The following NKAIN3 variants were observed in gnomAD, a reference collection of about 807,000 sequenced individuals.
The protein encoded by NKAIN3 is sodium/potassium-transporting ATPase subunit beta-1-interacting protein 3.
A neutral mutation model predicts 30.2 loss-of-function variants in NKAIN3; 25 were observed. That is an observed-to-expected ratio of 0.83 (90% CI 0.60 to 1.16). The LOEUF (loss-of-function observed/expected upper bound fraction) is 1.16. Ranked by LOEUF, NKAIN3 falls within the 50% of genes most tolerant of loss-of-function variation. NKAIN3 has a pLI of 0.00. For synonymous variants in NKAIN3, 91 were observed against 89.6 expected (o/e 1.02, Z -0.09); for missense variants, 225 against 254.1 (o/e 0.89, Z 0.78).
At chr8:62,870,665 A>C (rs900859164) in intron 4 of NKAIN3, among the ~76,000 whole-genome samples, 1 of 136,660 alleles carries the variant, frequency 7.3e-6, no homozygotes, top group African/African-American at 3.0e-5. Flanking sequence ...CTAGATATAT[A>C]TAGATATCTA....
chr8:62,995,146 A>G (rs1804079027), intron 5 of NKAIN3, among the ~76,000 whole-genome samples: 1 of 152,238 alleles, frequency 6.6e-6, no homozygotes. Context: ...AGCTCTACAG[A>G]TGCTTAATGC....
At chr8:62,298,510 C>G (rs1813921657) in intron 1 of NKAIN3, among the ~76,000 whole-genome samples, 1 of 152,080 alleles carries the variant, frequency 6.6e-6, no homozygotes, top group African/African-American at 2.4e-5. Context: ...CTCTTCTGAT[C>G]TCCACTTCCC....
At chr8:62,612,555 A>G (rs761134354) in intron 3 of NKAIN3, among the ~76,000 whole-genome samples, 2 of 149,696 alleles carry the variant, frequency 1.3e-5, no homozygotes, top group African/African-American at 2.5e-5. Context: ...TTTTTAATCC[A>G]GTAAGTCAGT....
At chr8:62,712,016 C>A (rs1382645649) in intron 3 of NKAIN3, among the ~76,000 whole-genome samples, 2 of 152,124 alleles carry the variant, frequency 1.3e-5, no homozygotes, top group African/African-American at 4.8e-5. Flanking sequence ...CTCTTCTGGG[C>A]CTAGCTACCC....
intron 1 of NKAIN3, among the ~76,000 whole-genome samples, chr8:62,533,331 G>A (rs1347144977): frequency 6.6e-6 from 1 of 152,192 alleles, no homozygotes. Flanking sequence ...CTTCTGGGGG[G>A]ATAATCTTAT....
intron 4 of NKAIN3, among the ~76,000 whole-genome samples, chr8:62,903,934 T>A (rs533980868): frequency 4.1e-4 from 63 of 152,282 alleles, no homozygotes; most frequent in Non-Finnish European, 7.3e-4. Context: ...CATGATTCAA[T>A]TATCTCTACC....
intron 3 of NKAIN3, among the ~76,000 whole-genome samples, chr8:62,735,935 G>A (rs1348687701): frequency 2.0e-5 from 3 of 152,156 alleles, no homozygotes; most frequent in African/African-American, 7.2e-5. Context: ...TCCCAGCAGA[G>A]CCTCCTGGGC....
At chr8:62,605,517 G>T (rs188964254) in intron 3 of NKAIN3, among the ~76,000 whole-genome samples, 15 of 151,904 alleles carry the variant, frequency 9.9e-5, no homozygotes, top group Admixed American at 8.5e-4. Context: ...CCCCCATAAA[G>T]TATTTAGTAT....
At chr8:62,692,749 T>C (rs1279703546) in intron 3 of NKAIN3, among the ~76,000 whole-genome samples, 1 of 152,240 alleles carries the variant, frequency 6.6e-6, no homozygotes, top group East Asian at 1.9e-4. Context: ...ATTCTCTGCT[T>C]AGCCTTTTGT....
At chr8:62,965,246 A>C in intron 6 of NKAIN3, 108 bp from the exon 7 acceptor site, 11 of 914,178 alleles carry the variant, frequency 1.2e-5, no homozygotes, top group Non-Finnish European at 1.4e-5. Context: ...AGACAGCACC[A>C]GGTGCACCCA....
chr8:62,691,753 G>C (rs1334098946), intron 3 of NKAIN3, among the ~76,000 whole-genome samples: 1 of 152,154 alleles, frequency 6.6e-6, no homozygotes. Flanking sequence ...TATCAAGGCA[G>C]GTTTCATGGA....
Position 62,977,969 on chromosome 8 carries a change from C to A in NKAIN3, c.*12562C>A. On this transcript the variant is annotated 3_prime_UTR_variant, in exon 7 of 7. Transcript: ENST00000623646. ...TTAATTTTCTTTCTAACAGTCAGGC[C>A]CTTCTTCTGCTGGTCTGCTGGAGTT... 6.6e-6 allele frequency: 1 copy of A among 152,492 alleles called. No individual in the cohort carries two copies. Among genetic ancestry groups the A allele is most frequent in the East Asian group, 1.9e-4 (1 of 5,182 alleles). The allele number at this position is 152,492 out of a possible 1,614,324, so 9.4% of individuals were successfully genotyped here.
chr8:62,855,921 G>A, intron 4 of NKAIN3: 1 of 755,596 alleles, frequency 1.3e-6, no homozygotes. Flanking sequence ...GTATCTGCGT[G>A]ATGCTACAAC....
At chr8:62,292,752 CTG>C (rs1029209937) in intron 1 of NKAIN3, among the ~76,000 whole-genome samples, 6 of 152,150 alleles carry the variant, frequency 3.9e-5, no homozygotes, top group Admixed American at 3.3e-4. Flanking sequence ...GTGGTGTTCT[CTG>C]TATTTCCTGA....
At chr8:62,399,682 T>G (rs1359167714) in intron 1 of NKAIN3, among the ~76,000 whole-genome samples, 2 of 152,220 alleles carry the variant, frequency 1.3e-5, no homozygotes, top group Non-Finnish European at 2.9e-5. Context: ...GACCAGAATG[T>G]ATGAATCTCA....
In NKAIN3 at chr8:62,833,067, T is replaced by G. The variant is rs189641612; in HGVS notation, c.472-85386T>G. Among the ~76,000 whole-genome samples the G allele has an allele frequency of 1.6e-3, 241 of 152,130 alleles. 1 individual carries two copies. The highest frequency in any genetic ancestry group is 5.5e-3 in the African/African-American group (228 of 41,522). Reference sequence around the variant, plus strand: ...CAAAACTACACAATTACATGGAAATTAAACAACTTGCTCCCGAATAACTTC... The same window carrying G: ...CAAAACTACACAATTACATGGAAATGAAACAACTTGCTCCCGAATAACTTC... On this transcript the variant is annotated intron_variant, in intron 4 of 6. Transcript: ENST00000623646.
At chr8:62,311,911 G>A (rs1277347001) in intron 1 of NKAIN3, among the ~76,000 whole-genome samples, 2 of 150,410 alleles carry the variant, frequency 1.3e-5, no homozygotes, top group African/African-American at 5.0e-5. Flanking sequence ...ACCATGGGAT[G>A]TTTGGAGGGG....
At chr8:62,389,481 C>A (rs542944958) in intron 1 of NKAIN3, among the ~76,000 whole-genome samples, 112 of 152,288 alleles carry the variant, frequency 7.4e-4, no homozygotes, top group Non-Finnish European at 1.3e-3. Flanking sequence ...CATCTCAGGG[C>A]AGCCTCTGTC....
intron 1 of NKAIN3, among the ~76,000 whole-genome samples, chr8:62,426,434 T>A (rs1449862684): frequency 6.6e-6 from 1 of 152,026 alleles, no homozygotes; most frequent in Non-Finnish European, 1.5e-5. Context: ...CAGCATCATC[T>A]TAAACTACTG....
Sources: allele counts gnomAD v4.1 joint callset (sites outside exome capture counted in the v4.1 genomes callset), GRCh38; gene constraint gnomAD v4.1.1; transcripts MANE v1.5; gene names NCBI Gene and HGNC (gene_info 2026-07-23, HGNC 2026-07-21).